SYNJ2: variants seen among roughly 807,000 people sequenced by gnomAD.
SYNJ2 encodes the protein synaptojanin 2, also known as polyphosphatidylinositol phosphatase SYNJ2.
SYNJ2 carries 116 observed loss-of-function variants against 141.3 expected under a neutral mutation model. The ratio of observed to expected loss-of-function variants is 0.82; its 90% CI spans 0.71 to 0.96. SYNJ2 has a LOEUF of 0.96. Ranked by LOEUF, SYNJ2 falls within the 40% of genes least tolerant of loss-of-function variation. SYNJ2 has a pLI of 0.00. For missense variants in SYNJ2, 1,873 were observed against 1,934.8 expected (o/e 0.97, Z 0.60); for synonymous variants, 745 against 777.7 (o/e 0.96, Z 0.70).
intron 7 of SYNJ2, 21 bp from the exon 8 acceptor site, chr6:158,061,971 G>T: frequency 6.2e-7 from 1 of 1,610,402 alleles, no homozygotes; most frequent in Non-Finnish European, 8.5e-7. Context: ...TCCCCTCACC[G>T]CCCTCCCCTC....
rs1261402765 is a variant in SYNJ2, at chr6:158,070,452, C to T, written c.1940+779C>T. 2.0e-6 allele frequency: 2 copies of T among 985,426 alleles called. No individual in the cohort carries two copies. The highest frequency in any genetic ancestry group is 2.4e-6 in the Non-Finnish European group (2 of 830,002). 61.0% of individuals were successfully genotyped at this position (985,426 alleles called of 1,614,324 possible). A position where few individuals can be genotyped will look rare whatever the true frequency, so the allele number is the denominator to read the frequency against. ...TTTCAGAAGATGTTTAGGTCCCTGT[C>T]CCTCTGCTTGTGTTATTTGGGCAGC... On this transcript the variant is annotated intron_variant, in intron 14 of 26. Coordinates refer to ENST00000355585, the MANE Select transcript of SYNJ2 (RefSeq NM_003898.4). The surrounding 1 kb of genome is among the most constrained non-coding windows in gnomAD (Gnocchi z 4.0).
At chr6:158,054,068 TCCATCCATTCAGCCATCCAC>T (rs527310900) in intron 5 of SYNJ2, among the ~76,000 whole-genome samples, 29 of 148,390 alleles carry the variant, frequency 2.0e-4, no homozygotes, top group East Asian at 1.0e-3. Context: ...CCACCCATTA[TCCATCCATTCAGCCATCCAC>T]CCATCCATTC....
At position 158,095,672 on chromosome 6, in the gene SYNJ2, C is replaced by T. The variant is rs1188734478; in HGVS notation, c.3799C>T (p.Pro1267Ser). 3.1e-6 allele frequency: 5 copies of T among 1,612,350 alleles called. No individual in the cohort carries two copies. Among genetic ancestry groups the T allele is most frequent in the Admixed American group, 3.4e-5 (2 of 59,568 alleles). The change falls in exon 27 of 27, where the codon CCC becomes TCC. Residue 1267 changes from proline to serine, a missense_variant. By Grantham distance (74) the Pro-to-Ser change is moderately conservative. Transcript: ENST00000355585. ...ACAGACTGTCCATTTTACAATCGGG[C>T]CCCCGGAGACAAGCGTTGAGGCCCC... ...EQQTVHFTIG[P>S]PETSVEAPPV...
intron 1 of SYNJ2, among the ~76,000 whole-genome samples, chr6:158,005,113 T>C (rs1778011130): frequency 6.6e-6 from 1 of 150,810 alleles, no homozygotes; most frequent in Admixed American, 6.6e-5. Flanking sequence ...AGTCTTGCTC[T>C]GTCGCCCAGG....
intron 1 of SYNJ2, among the ~76,000 whole-genome samples, chr6:157,987,916 A>G (rs1315933294): frequency 6.6e-6 from 1 of 152,266 alleles, no homozygotes; most frequent in Admixed American, 6.5e-5. Context: ...AGGGTCGACC[A>G]CAGCCTGGAA....
rs1780095117 is a variant in SYNJ2, at chr6:158,043,933, T to C, written c.795+534T>C. 6.6e-6 allele frequency among the ~76,000 whole-genome samples: 1 copy of C among 152,198 alleles called. No individual in the cohort carries two copies. The highest frequency in any genetic ancestry group is 1.5e-5 in the Non-Finnish European group (1 of 68,028). ...GGTCAGTGCCAGAGAGATTTGGCATTCTTTCTCCTGGGAAGAGCACAGGGT... is the reference window on the plus strand; with the variant it reads ...GGTCAGTGCCAGAGAGATTTGGCATCCTTTCTCCTGGGAAGAGCACAGGGT... On this transcript the variant is annotated intron_variant, in intron 5 of 26. Transcript: ENST00000355585. The surrounding 1 kb of genome is among the most constrained non-coding windows in gnomAD (Gnocchi z 4.0).
intron 17 of SYNJ2, chr6:158,077,761 G>C (rs1317491415): frequency 6.6e-6 from 1 of 152,006 alleles, no homozygotes; most frequent in Non-Finnish European, 1.5e-5. Flanking sequence ...AGATGAGTTT[G>C]TGAACGCCTG....
chr6:158,054,789 A>C (rs1388972486), intron 5 of SYNJ2, among the ~76,000 whole-genome samples, 178 bp from the exon 6 acceptor site: 1 of 152,184 alleles, frequency 6.6e-6, no homozygotes, highest in African/African-American at 2.4e-5. Context: ...CTGAGTTTGG[A>C]GCACTGTTAG....
chr6:158,085,015 A>C (rs1431239031), intron 22 of SYNJ2, among the ~76,000 whole-genome samples: 1 of 150,174 alleles, frequency 6.7e-6, no homozygotes, highest in African/African-American at 2.5e-5. Flanking sequence ...CCTAGATTAA[A>C]TAATACAACT....
At chr6:158,000,803 ACT>A (rs1414812963) in intron 1 of SYNJ2, among the ~76,000 whole-genome samples, 3 of 151,200 alleles carry the variant, frequency 2.0e-5, no homozygotes, top group Non-Finnish European at 4.4e-5. Context: ...TCTTGAGACC[ACT>A]CTGCTGTCCT....
At chr6:158,014,858 G>C (rs1562324175) in intron 1 of SYNJ2, among the ~76,000 whole-genome samples, 1 of 152,210 alleles carries the variant, frequency 6.6e-6, no homozygotes, top group Admixed American at 6.5e-5. Context: ...ACCCACTCCT[G>C]GGGGGCTGAG....
chr6:158,095,977 T>C lies in SYNJ2; in HGVS notation c.4104T>C (p.Ser1368=), dbSNP rs756379258. 5.1e-5 allele frequency: 83 copies of C among 1,614,060 alleles called. 1 individual carries two copies. In the South Asian group the frequency reaches 9.0e-4, roughly 18 times the overall value. ...GLTYNSSDSP[S]GHPPAAGTVF... ...CTTACAATAGCAGTGACAGCCCCTC[T>C]GGGCACCCACCTGCCGCGGGCACCG... Residue 1368 remains serine, a synonymous_variant, in exon 27 of 27, where the codon TCT becomes TCC. Transcript: ENST00000355585.
intron 9 of SYNJ2, 25 bp downstream of exon 9, chr6:158,063,897 GGCCATCTGT>G: frequency 6.2e-7 from 1 of 1,611,924 alleles, no homozygotes; most frequent in African/African-American, 1.3e-5. Context: ...CAGCCTTTTC[GGCCATCTGT>G]GCCAGGTCCT....
intron 5 of SYNJ2, among the ~76,000 whole-genome samples, chr6:158,047,216 T>C (rs374913544): frequency 6.6e-5 from 10 of 152,142 alleles, no homozygotes; most frequent in East Asian, 5.8e-4. Context: ...GGGTCTTGTG[T>C]GCGTGGGAAG....
rs137968572 is a variant in SYNJ2 at position 158,070,149 on chromosome 6, G to A, written c.1940+476G>A. ...GAGCATCAGAAAGGGGGCGAGCTTA[G>A]GGGCGGCATTCCTCTTGGGGTGTGG... On this transcript the variant is annotated intron_variant, in intron 14 of 26. Coordinates refer to ENST00000355585, the MANE Select transcript of SYNJ2 (RefSeq NM_003898.4). This position sits in a 1 kb window ranked among gnomAD's most constrained non-coding sequence, Gnocchi z 4.0. 40 of 985,860 alleles carry A rather than the reference G, an allele frequency of 4.1e-5. No homozygotes were observed. In the African/African-American group the frequency reaches 6.5e-4, roughly 16 times the overall value. 61.1% of individuals were successfully genotyped at this position (985,860 alleles called of 1,614,324 possible).
intron 4 of SYNJ2, among the ~76,000 whole-genome samples, chr6:158,041,432 A>G (rs1225557237): frequency 2.0e-5 from 3 of 152,240 alleles, no homozygotes; most frequent in African/African-American, 7.2e-5. Context: ...TTGGGAACAA[A>G]GAAGACAGTC....
intron 16 of SYNJ2, 95 bp downstream of exon 16, chr6:158,074,833 G>A: frequency 7.1e-7 from 1 of 1,415,926 alleles, no homozygotes; most frequent in Non-Finnish European, 9.6e-7. Context: ...TCAGTTCCGT[G>A]AGTGGATTTC....
At chr6:158,078,502 A>G (rs777027452) in intron 18 of SYNJ2, 3 of 341,844 alleles carry the variant, frequency 8.8e-6, no homozygotes, top group East Asian at 4.8e-5. Flanking sequence ...GCTCCATATC[A>G]TAAATGACAT....
chr6:158,067,864 G>A (rs951016168), intron 12 of SYNJ2: 83 of 985,166 alleles, frequency 8.4e-5, no homozygotes, highest in East Asian at 1.1e-4. Context: ...GATGCCCTCC[G>A]GAGCAGGCCC....
Sources: allele counts gnomAD v4.1 joint callset (sites outside exome capture counted in the v4.1 genomes callset), GRCh38; gene constraint gnomAD v4.1.1; non-coding constraint Gnocchi (gnomAD v3.1); transcripts MANE v1.5; gene names NCBI Gene and HGNC (gene_info 2026-07-23, HGNC 2026-07-21).